GRID2: variants seen among roughly 807,000 people sequenced by gnomAD.
The protein encoded by GRID2 is glutamate receptor ionotropic, delta-2.
Under a neutral mutation model 114.8 loss-of-function variants are expected in GRID2, and 33 were observed. The ratio of observed to expected loss-of-function variants is 0.29; its 90% CI spans 0.22 to 0.38. GRID2 has a LOEUF of 0.38. GRID2 is among the 10% of genes least tolerant of loss of function. GRID2 has a pLI of 1.00. For synonymous variants in GRID2, 505 were observed against 449.9 expected (o/e 1.12, Z -1.55); for missense variants, 1,184 against 1,257.7 (o/e 0.94, Z 0.89).
At chr4:92,653,779 A>T (rs1193645380) in intron 2 of GRID2, among the ~76,000 whole-genome samples, 1 of 152,100 alleles carries the variant, frequency 6.6e-6, no homozygotes, top group Non-Finnish European at 1.5e-5. Context: ...CCATTCTTAC[A>T]GTTCCTAAAA....
chr4:93,554,135 T>C (rs867768223), intron 13 of GRID2, among the ~76,000 whole-genome samples: 14 of 152,138 alleles, frequency 9.2e-5, no homozygotes, highest in African/African-American at 3.4e-4. Context: ...TATTAGTATG[T>C]TGAAGAAAAT....
intron 2 of GRID2, among the ~76,000 whole-genome samples, chr4:92,779,396 A>G (rs950701525): frequency 6.6e-6 from 1 of 152,116 alleles, no homozygotes; most frequent in Non-Finnish European, 1.5e-5. Flanking sequence ...GATGAATCTT[A>G]GATTTTCTCA....
chr4:92,707,729 A>G (rs1434226234), intron 2 of GRID2, among the ~76,000 whole-genome samples: 1 of 152,220 alleles, frequency 6.6e-6, no homozygotes, highest in Non-Finnish European at 1.5e-5. Context: ...AAGGAAAGAG[A>G]CAAAAATAAA....
intron 13 of GRID2, among the ~76,000 whole-genome samples, chr4:93,580,852 G>GTTATAA (rs956344118): frequency 4.0e-4 from 49 of 123,112 alleles, no homozygotes; most frequent in South Asian, 2.4e-3. Flanking sequence ...ACAATAACCT[G>GTTATAA]ATGTATAGCA....
intron 2 of GRID2, among the ~76,000 whole-genome samples, chr4:92,696,850 C>T (rs961071387): frequency 1.3e-5 from 2 of 152,118 alleles, no homozygotes; most frequent in Non-Finnish European, 2.9e-5. Flanking sequence ...CTCTTGTTAC[C>T]TTGCAGCAGG....
chr4:92,796,070 TATC>T (rs1468339162), intron 2 of GRID2, among the ~76,000 whole-genome samples: 3 of 152,092 alleles, frequency 2.0e-5, no homozygotes, highest in African/African-American at 4.8e-5. Flanking sequence ...TTTATAATGA[TATC>T]ATCCTTAATA....
chr4:93,620,465 ACT>A (rs1742112357), intron 13 of GRID2, among the ~76,000 whole-genome samples: 1 of 152,214 alleles, frequency 6.6e-6, no homozygotes, highest in Admixed American at 6.5e-5. Context: ...TGTGGCATGG[ACT>A]TCTGTAGTTA....
At chr4:93,741,174 C>CATATATATATATAT (rs376106965) in intron 14 of GRID2, among the ~76,000 whole-genome samples, 559 of 40,972 alleles carry the variant, frequency 0.014, 39 homozygotes, top group East Asian at 0.018. Context: ...TATATATATA[C>CATATATATATATAT]ATATATATAT....
chr4:92,789,317 A>G (rs1739462829), intron 2 of GRID2, among the ~76,000 whole-genome samples: 1 of 151,906 alleles, frequency 6.6e-6, no homozygotes. Flanking sequence ...ATTTACATAC[A>G]TAAGGCTTTG....
chr4:93,615,938 A>G (rs960981764), intron 13 of GRID2, among the ~76,000 whole-genome samples: 4 of 152,058 alleles, frequency 2.6e-5, no homozygotes, highest in Non-Finnish European at 5.9e-5. Flanking sequence ...TCTTTTCTGC[A>G]TTGTCACTCA....
At chr4:93,603,918 C>A (rs931401309) in intron 13 of GRID2, among the ~76,000 whole-genome samples, 2 of 152,114 alleles carry the variant, frequency 1.3e-5, no homozygotes, top group Non-Finnish European at 2.9e-5. Context: ...AATATGACTG[C>A]CCATTGACAA....
chr4:92,459,102 C>T lies in GRID2; in HGVS notation c.89-131029C>T, dbSNP rs111974555. 9.6e-3 allele frequency among the ~76,000 whole-genome samples: 1,464 copies of T among 152,130 alleles called. 25 individuals are homozygous for T. Among genetic ancestry groups the T allele is most frequent in the Middle Eastern group, 0.027 (8 of 292 alleles). On this transcript the variant is annotated intron_variant, in intron 1 of 15. Coordinates refer to ENST00000282020, the MANE Select transcript of GRID2 (RefSeq NM_001510.4). ...ATTTAAAAAATTGTCATCATGCATA[C>T]ATTACTTAATTTAATACAGTACACT...
intron 8 of GRID2, among the ~76,000 whole-genome samples, chr4:93,358,172 G>T (rs1017977101): frequency 6.6e-6 from 1 of 151,742 alleles, no homozygotes; most frequent in Non-Finnish European, 1.5e-5. Context: ...GGGTATTCCA[G>T]ATAGGCAATT....
chr4:92,471,183 C>T (rs1188915263), intron 1 of GRID2, among the ~76,000 whole-genome samples: 1 of 152,000 alleles, frequency 6.6e-6, no homozygotes, highest in Non-Finnish European at 1.5e-5. Flanking sequence ...AAATGTGAGT[C>T]ATTTAAACAA....
intron 1 of GRID2, among the ~76,000 whole-genome samples, chr4:93,801,587 C>G (rs985171549): frequency 6.6e-6 from 1 of 152,122 alleles, no homozygotes; most frequent in African/African-American, 2.4e-5. Flanking sequence ...TGTAGACTTT[C>G]TATTAATAAT....
At chr4:92,710,098 TC>T (rs1735169453) in intron 2 of GRID2, among the ~76,000 whole-genome samples, 1 of 152,136 alleles carries the variant, frequency 6.6e-6, no homozygotes, top group South Asian at 2.1e-4. Flanking sequence ...TAAATGAACA[TC>T]ATTACTTTTA....
chr4:92,730,841 A>G (rs1466284956), intron 2 of GRID2, among the ~76,000 whole-genome samples: 1 of 152,012 alleles, frequency 6.6e-6, no homozygotes, highest in Admixed American at 6.6e-5. Context: ...TCTTTGCAGA[A>G]GATAGTAAAT....
chr4:93,204,375 G>A (rs922214202), intron 4 of GRID2, among the ~76,000 whole-genome samples: 2 of 152,136 alleles, frequency 1.3e-5, no homozygotes, highest in Admixed American at 1.3e-4. Flanking sequence ...TGCCTATGGT[G>A]AAGAGCACTC....
intron 8 of GRID2, among the ~76,000 whole-genome samples, chr4:93,350,494 G>A (rs1760691072): frequency 6.6e-6 from 1 of 152,068 alleles, no homozygotes; most frequent in Admixed American, 6.6e-5. Flanking sequence ...ATAAGATGCA[G>A]ATTGTGATCC....
Sources: gnomAD v4.1 joint callset for allele counts (sites outside exome capture counted in the v4.1 genomes callset) on GRCh38, gnomAD v4.1.1 for gene constraint, MANE v1.5 for transcripts, NCBI Gene and HGNC (gene_info 2026-07-23, HGNC 2026-07-21) for gene names.